The following ADGRG6 variants were observed in gnomAD, a reference collection of about 807,000 sequenced individuals.
The protein encoded by ADGRG6 is G-protein coupled receptor 126.
A neutral mutation model predicts 142.4 loss-of-function variants in ADGRG6; 84 were observed. The ratio of observed to expected loss-of-function variants is 0.59; its 90% CI spans 0.49 to 0.71. The LOEUF (loss-of-function observed/expected upper bound fraction) is 0.71, where lower values mean the gene tolerates loss of function less well. ADGRG6 is among the 30% of genes least tolerant of loss of function. The pLI, the probability that ADGRG6 is intolerant of heterozygous loss-of-function variation, is 0.00. For synonymous variants in ADGRG6, 521 were observed against 520.5 expected, an observed-to-expected ratio of 1.00 and a Z score of -0.01; for missense variants, 1,367 against 1,466.6, an observed-to-expected ratio of 0.93 and a Z score of 1.11.
intron 2 of ADGRG6, among the ~76,000 whole-genome samples, chr6:142,342,985 A>G (rs1486852765): frequency 6.6e-6 from 1 of 151,780 alleles, no homozygotes; most frequent in African/African-American, 2.4e-5. Context: ...TGGATTCTTA[A>G]TATAAAACTG....
chr6:142,317,783 T>G (rs1227225321), intron 2 of ADGRG6, among the ~76,000 whole-genome samples: 1 of 94,890 alleles, frequency 1.1e-5, no homozygotes, highest in Non-Finnish European at 1.9e-5. Context: ...CATATATATT[T>G]ATATATAATA....
At chr6:142,404,442 A>T (rs1775694218) in intron 14 of ADGRG6, among the ~76,000 whole-genome samples, 1 of 151,936 alleles carries the variant, frequency 6.6e-6, no homozygotes, top group Non-Finnish European at 1.5e-5. Context: ...GGAGTTTGAG[A>T]CCAGGCTGGC....
At chr6:142,322,344 G>A (rs1778558580) in intron 2 of ADGRG6, among the ~76,000 whole-genome samples, 1 of 152,026 alleles carries the variant, frequency 6.6e-6, no homozygotes, top group Admixed American at 6.6e-5. Flanking sequence ...AGGCTGTGGT[G>A]AGCCATGATT....
rs530416885 is a variant in ADGRG6 at position 142,403,849 on chromosome 6, G to A, written c.2003G>A (p.Ser668Asn). ...DELAFKIDLN[S>N]TSHVNITTRN... is the part of the protein sequence containing the mutation. Reference sequence around the variant, plus strand: ...TTGGCCTTCAAGATAGACCTAAATAGCACATCACATGTGAATATTACAACT... The same window carrying A: ...TTGGCCTTCAAGATAGACCTAAATAACACATCACATGTGAATATTACAACT... Residue 668 changes from serine to asparagine, a missense_variant, in exon 14 of 25, where the codon AGC becomes AAC. Ser to Asn is a conservative substitution (Grantham distance 46). Transcript: ENST00000367609. 1.5e-5 allele frequency: 24 copies of A among 1,608,268 alleles called. No individual in the cohort carries two copies. In the African/African-American group the frequency reaches 3.2e-4, roughly 22 times the overall value.
intron 2 of ADGRG6, among the ~76,000 whole-genome samples, chr6:142,360,243 A>G (rs775027964): frequency 3.3e-5 from 5 of 152,216 alleles, no homozygotes; most frequent in East Asian, 1.9e-4. Flanking sequence ...TGATGGCTCT[A>G]TGGGATATCC....
Position 142,443,371 on chromosome 6 carries a change from G to T in ADGRG6, c.3609G>T (p.Leu1203=), listed in dbSNP as rs1219575956. 1 of 1,612,392 alleles carries T rather than the reference G, an allele frequency of 6.2e-7. No individual in the cohort carries two copies. Among genetic ancestry groups the T allele is most frequent in the Non-Finnish European group, 8.5e-7 (1 of 1,178,900 alleles). ...SASMDKSLSK[L]AHADGDQTSI... ...CCATGGACAAGTCCTTGTCAAAACT[G>T]GCCCATGCTGATGGAGATCAAACAT... The change falls in exon 25 of 25, where the codon CTG becomes CTT. Residue 1203 remains leucine, a synonymous_variant. Transcript: ENST00000367609.
chr6:142,327,199 TAAAG>T (rs1353595048), intron 2 of ADGRG6, among the ~76,000 whole-genome samples: 2 of 151,024 alleles, frequency 1.3e-5, no homozygotes, highest in African/African-American at 2.4e-5. Flanking sequence ...CCTCATAAAA[TAAAG>T]AATGAGGCAA....
intron 6 of ADGRG6, among the ~76,000 whole-genome samples, chr6:142,384,512 GGAAT>G (rs1157227271): frequency 1.3e-5 from 2 of 152,090 alleles, no homozygotes; most frequent in Admixed American, 1.3e-4. Flanking sequence ...TCAGGTGAGT[GGAAT>G]TCTTTAACCT....
chr6:142,317,372 G>A (rs1262513263), intron 2 of ADGRG6, among the ~76,000 whole-genome samples: 1 of 152,008 alleles, frequency 6.6e-6, no homozygotes, highest in African/African-American at 2.4e-5. Context: ...CAGTAAATGT[G>A]TAGCAAATGA....
chr6:142,385,924 A>G (rs934295192), intron 6 of ADGRG6, among the ~76,000 whole-genome samples: 1 of 152,204 alleles, frequency 6.6e-6, no homozygotes, highest in African/African-American at 2.4e-5. Context: ...ATTCTGATAT[A>G]TTAGAGAATA....
At chr6:142,391,225 T>A (rs922087985) in intron 7 of ADGRG6, among the ~76,000 whole-genome samples, 1 of 151,464 alleles carries the variant, frequency 6.6e-6, no homozygotes, top group South Asian at 2.1e-4. Flanking sequence ...AGGTTTCTAT[T>A]TTTTCTATTA....
At position 142,415,918 on chromosome 6, in the gene ADGRG6, T is replaced by A; in HGVS notation, c.2792T>A (p.Ile931Asn). 6.2e-7 allele frequency: 1 copy of A among 1,613,704 alleles called. No individual in the cohort carries two copies. Among genetic ancestry groups the A allele is most frequent in the Non-Finnish European group, 8.5e-7 (1 of 1,179,682 alleles). The change falls in exon 20 of 25, where the codon ATT becomes AAT. Residue 931 changes from isoleucine (I) to asparagine (N), a missense_variant. By Grantham distance (149) the Ile-to-Asn change is moderately radical. Transcript: ENST00000367609. Reference sequence around the variant, plus strand: ...TCCTTCAATGTGGATGGACTTTGCATTGCTGTTGCAGTCCTGTTGCATTTC... The same window carrying A: ...TCCTTCAATGTGGATGGACTTTGCAATGCTGTTGCAGTCCTGTTGCATTTC... Reference protein sequence around the residue: ...ITSFNVDGLCIAVAVLLHFFL... With the variant: ...ITSFNVDGLCNAVAVLLHFFL...
At chr6:142,354,001 G>A (rs1780317232) in intron 2 of ADGRG6, among the ~76,000 whole-genome samples, 1 of 152,176 alleles carries the variant, frequency 6.6e-6, no homozygotes, top group Non-Finnish European at 1.5e-5. Context: ...GACTTTACAT[G>A]CAGAGAGCAG....
rs1053544553 is a variant in ADGRG6 at position 142,302,519 on chromosome 6, T to C, written c.2+188T>C. ...ACTGAGGAGTAGGACTATTGCCAAG[T>C]GGAGTTGTGACATGTGTGTGTGGCT... On this transcript the variant is annotated intron_variant, in intron 1 of 24. Transcript: ENST00000367609. 8.7e-6 allele frequency: 5 copies of C among 574,872 alleles called. No individual in the cohort carries two copies. The African/African-American group carries it at 9.5e-5, about 11-fold the overall frequency. The allele number at this position is 574,872 out of a possible 1,614,324, so 35.6% of individuals were successfully genotyped here.
intron 2 of ADGRG6, among the ~76,000 whole-genome samples, chr6:142,353,647 T>A (rs961705758): frequency 1.3e-5 from 2 of 152,192 alleles, no homozygotes; most frequent in African/African-American, 4.8e-5. Flanking sequence ...AATGGTTTTG[T>A]TTAAAAAGTT....
At chr6:142,429,512 A>C (rs1336265386) in intron 22 of ADGRG6, among the ~76,000 whole-genome samples, 2 of 152,164 alleles carry the variant, frequency 1.3e-5, no homozygotes, top group Non-Finnish European at 2.9e-5. Flanking sequence ...GGTAGTATGA[A>C]AGGAGGATTT....
chr6:142,313,526 G>A (rs529180070), intron 2 of ADGRG6, among the ~76,000 whole-genome samples: 4 of 152,228 alleles, frequency 2.6e-5, no homozygotes, highest in East Asian at 1.9e-4. Context: ...TCAGCAGATC[G>A]TTTCAAAGCA....
At chr6:142,408,306 G>T in intron 16 of ADGRG6, 37 bp downstream of exon 16, 4 of 1,503,388 alleles carry the variant, frequency 2.7e-6, no homozygotes, top group South Asian at 1.3e-5. Flanking sequence ...GGACAGAAGT[G>T]GACTATTTAA....
At chr6:142,386,267 A>C (rs182329025) in intron 6 of ADGRG6, among the ~76,000 whole-genome samples, 3 of 152,302 alleles carry the variant, frequency 2.0e-5, no homozygotes, top group African/African-American at 7.2e-5. Flanking sequence ...TCTGACTTTG[A>C]GTAAAATAAC....
Sources: allele counts gnomAD v4.1 joint callset (sites outside exome capture counted in the v4.1 genomes callset), GRCh38; gene constraint gnomAD v4.1.1; transcripts MANE v1.5; gene names NCBI Gene and HGNC (gene_info 2026-07-23, HGNC 2026-07-21).